Variants in ACSF2 observed in about 807,000 individuals in gnomAD.
The protein encoded by ACSF2 is acyl-CoA synthetase family member 2.
ACSF2 carries 52 observed loss-of-function variants against 79.3 expected under a neutral mutation model. The ratio of observed to expected loss-of-function variants is 0.66; its 90% CI spans 0.53 to 0.83. The LOEUF (loss-of-function observed/expected upper bound fraction) is 0.83, where lower values mean the gene tolerates loss of function less well. ACSF2 is among the 40% of genes least tolerant of loss of function. The pLI is 0.00. For missense variants in ACSF2, 661 were observed against 803.3 expected (o/e 0.82, Z 2.14); for synonymous variants, 283 against 312.6 (o/e 0.91, Z 1.00).
chr17:50,449,858 T>C (rs1345293884), intron 1 of ACSF2, among the ~76,000 whole-genome samples: 1 of 152,162 alleles, frequency 6.6e-6, no homozygotes, highest in East Asian at 1.9e-4. Flanking sequence ...ACCACCCACC[T>C]CCAGAACTTT....
intron 1 of ACSF2, among the ~76,000 whole-genome samples, chr17:50,456,050 A>G (rs1166238971): frequency 6.6e-6 from 1 of 152,170 alleles, no homozygotes; most frequent in Non-Finnish European, 1.5e-5. Flanking sequence ...GGCATGAACA[A>G]TCAATAGAAG....
At chr17:50,426,435 G>T (rs1398913585) in intron 1 of ACSF2, 46 bp downstream of exon 1, 5 of 1,281,540 alleles carry the variant, frequency 3.9e-6, no homozygotes, top group Non-Finnish European at 5.0e-6. Context: ...AGTTCCCCGG[G>T]AGAGGAACTT....
chr17:50,462,798 T>C, intron 6 of ACSF2: 1 of 621,564 alleles, frequency 1.6e-6, no homozygotes, highest in South Asian at 2.2e-5. Flanking sequence ...TCCAGCCCTC[T>C]TGTTCCCGGT....
chr17:50,446,794 G>T (rs1598403727), intron 1 of ACSF2, among the ~76,000 whole-genome samples: 1 of 152,128 alleles, frequency 6.6e-6, no homozygotes, highest in Non-Finnish European at 1.5e-5. Flanking sequence ...ATTGAACATT[G>T]TTTTATGAGA....
chr17:50,435,499 C>T (rs1180165119), intron 1 of ACSF2, among the ~76,000 whole-genome samples: 2 of 152,048 alleles, frequency 1.3e-5, no homozygotes, highest in African/African-American at 4.8e-5. Flanking sequence ...CAGCCTCAAC[C>T]TCCTGGGCTC....
intron 10 of ACSF2, chr17:50,468,848 A>AGCGGCGGCGGGGCGCGG: frequency 6.9e-7 from 1 of 1,455,364 alleles, no homozygotes; most frequent in Non-Finnish European, 9.0e-7. Context: ...TGGGGGCAGC[A>AGCGGCGGCGGGGCGCGG]GCGGCGGCGG....
At chr17:50,473,831 C>T (rs375826395) in intron 13 of ACSF2, 25 bp downstream of exon 13, 6 of 1,613,574 alleles carry the variant, frequency 3.7e-6, no homozygotes, top group Non-Finnish European at 5.1e-6. Context: ...TCAGGTGAGC[C>T]CCCAGAAACA....
In ACSF2 at chr17:50,433,149, C is replaced by G. The variant is rs1316422827; in HGVS notation, c.128+6760C>G. ...TTGAGACGGAGTCTCGCACTATCAC[C>G]AGGCTGGAGTACAGTGGCGCGATCT... On this transcript the variant is annotated intron_variant, in intron 1 of 15. Coordinates refer to ENST00000300441, the MANE Select transcript of ACSF2 (RefSeq NM_025149.6). Among the ~76,000 whole-genome samples the G allele has an allele frequency of 3.3e-5, 5 of 151,606 alleles. No individual in the cohort carries two copies. The East Asian group carries it at 9.6e-4, about 29-fold the overall frequency.
rs773152377 is a variant in ACSF2 at position 50,474,503 on chromosome 17, T to C, written c.1799T>C (p.Ile600Thr). The C allele has an allele frequency of 1.5e-5, 24 of 1,613,988 alleles. 1 individual carries two copies. Among genetic ancestry groups the C allele is most frequent in the Non-Finnish European group, 1.7e-5 (20 of 1,179,980 alleles). ...TNYPLTISGK[I>T]QKFKLREQME... is the part of the protein sequence containing the mutation. Reference sequence around the variant, plus strand: ...CTAACTCCATTTTCTTTCCTCTAGATCCAGAAATTCAAACTTCGAGAGCAG... The same window carrying C: ...CTAACTCCATTTTCTTTCCTCTAGACCCAGAAATTCAAACTTCGAGAGCAG... The change falls in exon 16 of 16, where the codon ATC becomes ACC. Residue 600 changes from isoleucine to threonine, a missense_variant and splice_region_variant. Ile to Thr is a moderately conservative substitution (Grantham distance 89). Coordinates refer to ENST00000300441, the MANE Select transcript of ACSF2 (RefSeq NM_025149.6). This position sits in a 1 kb window ranked among gnomAD's most constrained non-coding sequence, Gnocchi z 4.2.
intron 1 of ACSF2, among the ~76,000 whole-genome samples, chr17:50,433,416 GTAGC>G (rs1567836617): frequency 6.6e-6 from 1 of 152,112 alleles, no homozygotes; most frequent in Non-Finnish European, 1.5e-5. Context: ...AGCCTCCTGA[GTAGC>G]TGGGATTACA....
intron 1 of ACSF2, among the ~76,000 whole-genome samples, chr17:50,443,030 C>T (rs1328782726): frequency 6.6e-6 from 1 of 152,080 alleles, no homozygotes; most frequent in Non-Finnish European, 1.5e-5. Context: ...GTGCCTCAGC[C>T]TCCCGAATAG....
At chr17:50,426,648 A>C (rs1915017227) in intron 1 of ACSF2, among the ~76,000 whole-genome samples, 1 of 152,092 alleles carries the variant, frequency 6.6e-6, no homozygotes, top group African/African-American at 2.4e-5. Context: ...CTTCTCCTTT[A>C]TGGGCACAGA....
rs1400576275 is a variant in ACSF2, at chr17:50,474,766, C to T, written c.*214C>T. The T allele has an allele frequency of 3.5e-6, 2 of 572,870 alleles. No individual in the cohort carries two copies. The highest frequency in any genetic ancestry group is 6.2e-6 in the Non-Finnish European group (2 of 323,712). The allele number at this position is 572,870 out of a possible 1,614,324, so 35.5% of individuals were successfully genotyped here. On this transcript the variant is annotated 3_prime_UTR_variant, in exon 16 of 16. Coordinates refer to ENST00000300441, the MANE Select transcript of ACSF2 (RefSeq NM_025149.6). The surrounding 1 kb of genome is among the most constrained non-coding windows in gnomAD (Gnocchi z 4.2). ...AGGCAGGCAGCCTGCCCAGGCCCTC[C>T]CTCCTGTCCATCCCCCACATTCCCC...
At chr17:50,469,046 C>T in intron 10 of ACSF2, 1 of 1,316,326 alleles carries the variant, frequency 7.6e-7, no homozygotes, top group Middle Eastern at 2.9e-4. Context: ...CCCCAGCCGG[C>T]TACCGTGCAT....
In ACSF2 at chr17:50,463,482, G is replaced by C; in HGVS notation, c.976G>C (p.Gly326Arg). 1 of 1,614,096 alleles carries C rather than the reference G, an allele frequency of 6.2e-7. No homozygotes were observed. Among genetic ancestry groups the C allele is most frequent in the South Asian group, 1.1e-5 (1 of 91,074 alleles). Residue 326 changes from glycine to arginine, a missense_variant, in exon 8 of 16, where the codon GGT becomes CGT. Transcript: ENST00000300441. This position sits in a 1 kb window ranked among gnomAD's most constrained non-coding sequence, Gnocchi z 4.6. ...AGGCACAATGATGTGTCTGATGTAC[G>C]GTGCCACCCTCATCCTGGCCTCTCC... ...VAGTMMCLMY[G>R]ATLILASPIF...
chr17:50,437,243 T>G (rs117362707), intron 1 of ACSF2, among the ~76,000 whole-genome samples: 3 of 152,230 alleles, frequency 2.0e-5, no homozygotes, highest in Non-Finnish European at 4.4e-5. Flanking sequence ...GGAGATATAT[T>G]GGACCAATGA....
At chr17:50,465,923 G>A (rs1181469613) in intron 10 of ACSF2, 15 of 1,601,522 alleles carry the variant, frequency 9.4e-6, no homozygotes, top group Non-Finnish European at 1.0e-5. Flanking sequence ...GAGTGAATGA[G>A]TAAGCACCCG....
Position 50,473,983 on chromosome 17 carries a change from A to C in ACSF2, c.1707A>C (p.Ile569=), listed in dbSNP as rs1376526447. The C allele has an allele frequency of 6.6e-7, 1 of 1,517,976 alleles. No homozygotes were observed. The highest frequency in any genetic ancestry group is 2.4e-5 in the East Asian group (1 of 42,312). 94.0% of individuals were successfully genotyped at this position (1,517,976 alleles called of 1,614,324 possible). ...GGGAGGAGACCACGGTGGAGGAGAT[A>C]AAAGCTTTCTGCAAAGGGAAGGTGG... ...KDGEETTVEE[I]KAFCKGKISH... Residue 569 remains isoleucine, a synonymous_variant, in exon 14 of 16, where the codon ATA becomes ATC. Transcript: ENST00000300441.
In ACSF2 at chr17:50,474,444, C is replaced by G; in HGVS notation, c.1798-58C>G. ...TTGGCACTAAGAGCCTGAGAAACCC[C>G]TTATTCTTGGGTGAACCAAGACAGC... On this transcript the variant is annotated intron_variant, in intron 15 of 15. Coordinates refer to ENST00000300441, the MANE Select transcript of ACSF2 (RefSeq NM_025149.6). This position sits in a 1 kb window ranked among gnomAD's most constrained non-coding sequence, Gnocchi z 4.2. 1 of 1,589,042 alleles carries G rather than the reference C, an allele frequency of 6.3e-7. No homozygotes were observed. The highest frequency in any genetic ancestry group is 8.6e-7 in the Non-Finnish European group (1 of 1,157,710).
Sources: gnomAD v4.1 joint callset for allele counts (sites outside exome capture counted in the v4.1 genomes callset) on GRCh38, gnomAD v4.1.1 for gene constraint, Gnocchi (gnomAD v3.1) non-coding constraint, MANE v1.5 for transcripts, NCBI Gene and HGNC (gene_info 2026-07-23, HGNC 2026-07-21) for gene names.